Variants in KIAA1328 observed in about 807,000 individuals in gnomAD.
KIAA1328 encodes the protein protein hinderin.
A neutral mutation model predicts 68.1 loss-of-function variants in KIAA1328; 52 were observed. That is an observed-to-expected ratio of 0.76 (90% CI 0.61 to 0.96). KIAA1328 has a LOEUF of 0.96. Among genes scored for constraint, KIAA1328 ranks in the 40% least tolerant of loss-of-function variants. The pLI is 0.00. For synonymous variants in KIAA1328, 232 were observed against 239.4 expected (o/e 0.97, Z 0.28); for missense variants, 641 against 677.6 (o/e 0.95, Z 0.60).
At chr18:36,979,188 AT>A in intron 6 of KIAA1328, among the ~76,000 whole-genome samples, 1 of 104,734 alleles carries the variant, frequency 9.5e-6, no homozygotes, top group Non-Finnish European at 2.3e-5. Flanking sequence ...AAATTTAAAA[AT>A]AAAATGAATA....
At chr18:37,133,507 C>T (rs1262162317) in intron 7 of KIAA1328, among the ~76,000 whole-genome samples, 1 of 149,640 alleles carries the variant, frequency 6.7e-6, no homozygotes, top group African/African-American at 2.5e-5. Context: ...CCCCAAAAGT[C>T]AACTTTTCTA....
At chr18:36,883,719 C>CTCATT (rs2048395360) in intron 4 of KIAA1328, among the ~76,000 whole-genome samples, 1 of 152,120 alleles carries the variant, frequency 6.6e-6, no homozygotes, top group African/African-American at 2.4e-5. Flanking sequence ...TACAACATCA[C>CTCATT]TCATTTCTTT....
At chr18:36,894,473 CG>C (rs1213264381) in intron 5 of KIAA1328, among the ~76,000 whole-genome samples, 1 of 152,102 alleles carries the variant, frequency 6.6e-6, no homozygotes, top group African/African-American at 2.4e-5. Flanking sequence ...TTCCAACTGT[CG>C]TTTGAAAGAG....
At chr18:36,996,531 C>CT (rs1383166473) in intron 6 of KIAA1328, among the ~76,000 whole-genome samples, 1 of 151,572 alleles carries the variant, frequency 6.6e-6, no homozygotes, top group Non-Finnish European at 1.5e-5. Flanking sequence ...AGTTTTTTTT[C>CT]TTTTTTCCTT....
chr18:37,005,804 A>G (rs983558744), intron 6 of KIAA1328, among the ~76,000 whole-genome samples: 2 of 152,142 alleles, frequency 1.3e-5, no homozygotes, highest in South Asian at 2.1e-4. Flanking sequence ...TTCCAGCAAC[A>G]TGGATGGAAC....
At chr18:36,962,467 G>A (rs138782756) in intron 6 of KIAA1328, among the ~76,000 whole-genome samples, 16,190 of 152,050 alleles carry the variant, frequency 0.11, 1,093 homozygotes, top group Non-Finnish European at 0.13. Context: ...TGCACCAGGC[G>A]GACCTAATAG....
intron 3 of KIAA1328, among the ~76,000 whole-genome samples, chr18:36,837,605 C>G (rs1018440313): frequency 6.6e-6 from 1 of 151,960 alleles, no homozygotes; most frequent in African/African-American, 2.4e-5. Flanking sequence ...TTCAGTTTAT[C>G]TAGTGTTTTC....
In KIAA1328 at chr18:37,223,531, C is replaced by G; in HGVS notation, c.*1304C>G. 2.0e-6 allele frequency: 2 copies of G among 985,382 alleles called. No individual in the cohort carries two copies. Among genetic ancestry groups the G allele is most frequent in the Non-Finnish European group, 2.4e-6 (2 of 829,924 alleles). The allele number at this position is 985,382 out of a possible 1,614,324, so 61.0% of individuals were successfully genotyped here. A position where few individuals can be genotyped will look rare whatever the true frequency, so the allele number is the denominator to read the frequency against. On this transcript the variant is annotated 3_prime_UTR_variant, in exon 10 of 10. Transcript: ENST00000280020. ...AGGGTGTGTTCCCAGATGTGTATTACTTGGGAATTTTATTTGATCTGGAGG... is the reference window on the plus strand; with the variant it reads ...AGGGTGTGTTCCCAGATGTGTATTAGTTGGGAATTTTATTTGATCTGGAGG...
chr18:36,915,133 A>G (rs1432056820), intron 5 of KIAA1328, among the ~76,000 whole-genome samples: 1 of 152,218 alleles, frequency 6.6e-6, no homozygotes, highest in Non-Finnish European at 1.5e-5. Context: ...AACCAATTGT[A>G]AGGCATACTG....
At chr18:37,151,799 C>T (rs764305475) in intron 7 of KIAA1328, among the ~76,000 whole-genome samples, 9 of 152,028 alleles carry the variant, frequency 5.9e-5, no homozygotes, top group African/African-American at 9.7e-5. Flanking sequence ...CATTAAAGTG[C>T]GAGTGGTATG....
chr18:37,173,202 CCTT>C (rs2059534875), intron 9 of KIAA1328, 121 bp downstream of exon 9: 24 of 697,406 alleles, frequency 3.4e-5, no homozygotes, highest in Non-Finnish European at 5.1e-5. Context: ...CAAGAGAGGT[CCTT>C]CTTTTGAAGC....
At chr18:37,103,275 C>T (rs1242686977) in intron 7 of KIAA1328, among the ~76,000 whole-genome samples, 1 of 152,064 alleles carries the variant, frequency 6.6e-6, no homozygotes, top group Non-Finnish European at 1.5e-5. Context: ...GGTATAGTAA[C>T]CAAAACAGCA....
intron 5 of KIAA1328, among the ~76,000 whole-genome samples, chr18:36,903,885 A>G (rs2049123724): frequency 6.6e-6 from 1 of 152,136 alleles, no homozygotes; most frequent in Non-Finnish European, 1.5e-5. Context: ...TTGCAATGTC[A>G]GCATCACCAA....
chr18:36,925,791 A>T (rs1384940513), intron 5 of KIAA1328, among the ~76,000 whole-genome samples: 2 of 151,710 alleles, frequency 1.3e-5, no homozygotes, highest in Non-Finnish European at 2.9e-5. Context: ...CTTCCACCTC[A>T]GCCTCCCGAA....
chr18:37,126,553 T>C (rs1304908548), intron 7 of KIAA1328, among the ~76,000 whole-genome samples: 1 of 152,042 alleles, frequency 6.6e-6, no homozygotes, highest in Admixed American at 6.6e-5. Context: ...AAGGAACATA[T>C]AATAAAAATT....
intron 6 of KIAA1328, among the ~76,000 whole-genome samples, chr18:36,974,833 A>G (rs1056947384): frequency 1.3e-5 from 2 of 152,058 alleles, no homozygotes; most frequent in Admixed American, 6.6e-5. Context: ...TTTCTAATGG[A>G]CTCTGGCTCA....
rs545561159 is a variant in KIAA1328, at chr18:37,085,942, A to G, written c.1232+18397A>G. Among the ~76,000 whole-genome samples the G allele has an allele frequency of 2.2e-4, 33 of 152,300 alleles. No individual in the cohort carries two copies. The South Asian group carries it at 5.8e-3, about 27-fold the overall frequency. Reference sequence around the variant, plus strand: ...TAAATATTTTATGCACAGCTGAACTATCTACTATTCTTAAATTTAATTTTG... The same window carrying G: ...TAAATATTTTATGCACAGCTGAACTGTCTACTATTCTTAAATTTAATTTTG... On this transcript the variant is annotated intron_variant, in intron 7 of 9. Transcript: ENST00000280020.
intron 4 of KIAA1328, among the ~76,000 whole-genome samples, chr18:36,864,500 A>G (rs976257962): frequency 6.6e-6 from 1 of 151,182 alleles, no homozygotes; most frequent in Non-Finnish European, 1.5e-5. Flanking sequence ...ACGGGGTTTC[A>G]CTGTGTTAGC....
chr18:37,094,436 C>T (rs1488821059), intron 7 of KIAA1328, among the ~76,000 whole-genome samples: 1 of 152,106 alleles, frequency 6.6e-6, no homozygotes, highest in African/African-American at 2.4e-5. Flanking sequence ...AATAGTCTTT[C>T]ACAGACAGCC....
Sources: allele counts gnomAD v4.1 joint callset (sites outside exome capture counted in the v4.1 genomes callset), GRCh38; gene constraint gnomAD v4.1.1; transcripts MANE v1.5; gene names NCBI Gene and HGNC (gene_info 2026-07-23, HGNC 2026-07-21).